The following ADGRB3 variants were observed in gnomAD, a reference collection of about 807,000 sequenced individuals.
ADGRB3 encodes the protein brain-specific angiogenesis inhibitor 3.
A neutral mutation model predicts 193.4 loss-of-function variants in ADGRB3; 37 were observed. The ratio of observed to expected loss-of-function variants is 0.19; its 90% CI spans 0.15 to 0.25. The LOEUF (loss-of-function observed/expected upper bound fraction) is 0.25. Among genes scored for constraint, ADGRB3 ranks in the 10% least tolerant of loss-of-function variants. The probability of loss-of-function intolerance (pLI) is 1.00; values close to 1 mark genes in which losing one functional copy is unlikely to be tolerated. For missense variants in ADGRB3, 1,637 were observed against 1,852.9 expected (o/e 0.88, Z 2.14); for synonymous variants, 690 against 644.2 (o/e 1.07, Z -1.08).
chr6:69,215,250 CA>C (rs1765752134), intron 17 of ADGRB3, among the ~76,000 whole-genome samples: 1 of 152,066 alleles, frequency 6.6e-6, no homozygotes, highest in Non-Finnish European at 1.5e-5. Flanking sequence ...AACTTTATAA[CA>C]TTAATTATAC....
At chr6:68,906,432 T>A (rs867522692) in intron 3 of ADGRB3, among the ~76,000 whole-genome samples, 1 of 151,938 alleles carries the variant, frequency 6.6e-6, no homozygotes. Context: ...ATTGGAGATT[T>A]TTCAATATAT....
At chr6:68,826,654 C>G (rs1041439957) in intron 3 of ADGRB3, among the ~76,000 whole-genome samples, 3 of 152,082 alleles carry the variant, frequency 2.0e-5, no homozygotes, top group African/African-American at 7.2e-5. Flanking sequence ...CAGGGACACC[C>G]CAGGAGGCTA....
chr6:68,858,774 C>G (rs551703025), intron 3 of ADGRB3, among the ~76,000 whole-genome samples: 1 of 151,884 alleles, frequency 6.6e-6, no homozygotes, highest in East Asian at 1.9e-4. Flanking sequence ...GCAGATGGGA[C>G]ACAGGGCATC....
intron 3 of ADGRB3, among the ~76,000 whole-genome samples, chr6:68,891,823 G>T (rs1276319552): frequency 3.9e-5 from 6 of 152,154 alleles, no homozygotes; most frequent in Non-Finnish European, 5.9e-5. Context: ...TCATAGAATA[G>T]TCAGGAAAGT....
intron 3 of ADGRB3, among the ~76,000 whole-genome samples, chr6:68,818,197 C>T (rs1191855514): frequency 6.6e-6 from 1 of 151,994 alleles, no homozygotes; most frequent in African/African-American, 2.4e-5. Flanking sequence ...TGCGCACCGC[C>T]TTCTCCACCT....
chr6:68,733,707 G>C (rs995317312), intron 3 of ADGRB3, among the ~76,000 whole-genome samples: 10 of 150,900 alleles, frequency 6.6e-5, no homozygotes, highest in Non-Finnish European at 1.0e-4. Flanking sequence ...TACAAAAATA[G>C]AAAGAGTGAA....
rs572644863 is a variant in ADGRB3 at position 68,968,981 on chromosome 6, C to T, written c.1526-5782C>T. Among the ~76,000 whole-genome samples the T allele has an allele frequency of 5.3e-5, 8 of 152,088 alleles. No individual in the cohort carries two copies. In the South Asian group the frequency reaches 1.7e-3, roughly 32 times the overall value. The stretch of plus-strand genomic sequence containing the variant: ...CATACTGAACAGTGAAAATATAAAA[C>T]ATTTCTATCATTGAAAAAATTTTAT... On this transcript the variant is annotated intron_variant, in intron 8 of 31. Coordinates refer to ENST00000370598, the MANE Select transcript of ADGRB3 (RefSeq NM_001704.3).
At chr6:68,799,805 G>C (rs1351981365) in intron 3 of ADGRB3, among the ~76,000 whole-genome samples, 4 of 152,150 alleles carry the variant, frequency 2.6e-5, no homozygotes, top group Non-Finnish European at 5.9e-5. Context: ...TCTAAACAGA[G>C]AGAAAAATAA....
intron 17 of ADGRB3, among the ~76,000 whole-genome samples, chr6:69,213,469 T>C (rs186709850): frequency 6.6e-6 from 1 of 152,340 alleles, no homozygotes; most frequent in African/African-American, 2.4e-5. Flanking sequence ...TAATATTTGC[T>C]ATACATTGGC....
chr6:68,956,516 A>G, intron 7 of ADGRB3, 129 bp from the exon 8 acceptor site: 2 of 1,224,660 alleles, frequency 1.6e-6, no homozygotes, highest in Non-Finnish European at 2.3e-6. Flanking sequence ...TAAGTTAAAT[A>G]TTTGAATAAG....
At chr6:68,961,728 T>C (rs1008819253) in intron 8 of ADGRB3, among the ~76,000 whole-genome samples, 1 of 152,200 alleles carries the variant, frequency 6.6e-6, no homozygotes, top group African/African-American at 2.4e-5. Flanking sequence ...CACTACTCCA[T>C]AATGAAATAT....
At chr6:68,729,255 A>G (rs996029268) in intron 3 of ADGRB3, among the ~76,000 whole-genome samples, 7 of 151,550 alleles carry the variant, frequency 4.6e-5, no homozygotes, top group Admixed American at 2.0e-4. Context: ...GATGTTACCA[A>G]TGCTAAATCT....
intron 10 of ADGRB3, among the ~76,000 whole-genome samples, chr6:68,975,744 C>T (rs1430963021): frequency 6.6e-6 from 1 of 152,092 alleles, no homozygotes; most frequent in Non-Finnish European, 1.5e-5. Context: ...AAAGCTGTGT[C>T]ACTTAGCTAT....
At position 69,048,701 on chromosome 6, in the gene ADGRB3, A is replaced by C. The variant is rs534769820; in HGVS notation, c.2257+367A>C. ...TGTCATTTTTATTTCTGCCTCATTA[A>C]AATTTGCTTCGGTTTGAAGATATTA... On this transcript the variant is annotated intron_variant, in intron 14 of 31. Transcript: ENST00000370598. Among the ~76,000 whole-genome samples the C allele has an allele frequency of 7.2e-5, 11 of 152,226 alleles. No homozygotes were observed. In the South Asian group the frequency reaches 8.3e-4, roughly 11 times the overall value.
At chr6:69,248,361 G>C (rs1766543502) in intron 20 of ADGRB3, among the ~76,000 whole-genome samples, 1 of 152,118 alleles carries the variant, frequency 6.6e-6, no homozygotes, top group Non-Finnish European at 1.5e-5. Flanking sequence ...AAAATGAAAA[G>C]CCCTTGAGAT....
At chr6:69,117,043 A>G (rs1006696294) in intron 17 of ADGRB3, among the ~76,000 whole-genome samples, 2 of 152,230 alleles carry the variant, frequency 1.3e-5, no homozygotes, top group Admixed American at 6.5e-5. Flanking sequence ...TTGTCTTATT[A>G]CAAAAGTAAT....
At chr6:69,321,392 G>T (rs1768452918) in intron 20 of ADGRB3, among the ~76,000 whole-genome samples, 1 of 151,840 alleles carries the variant, frequency 6.6e-6, no homozygotes, top group African/African-American at 2.4e-5. Flanking sequence ...ATGCTAGTGA[G>T]TCTCACATTT....
intron 16 of ADGRB3, among the ~76,000 whole-genome samples, chr6:69,064,385 A>G (rs1309420671): frequency 6.6e-6 from 1 of 151,764 alleles, no homozygotes; most frequent in East Asian, 1.9e-4. Context: ...TATTTAAACT[A>G]TTAGGTGTTT....
chr6:68,719,622 G>A (rs750791237), intron 3 of ADGRB3, among the ~76,000 whole-genome samples: 8 of 151,734 alleles, frequency 5.3e-5, no homozygotes, highest in Non-Finnish European at 1.2e-4. Context: ...TCAATGTTTA[G>A]ATGTGAAGAA....
Sources: gnomAD v4.1 joint callset for allele counts (sites outside exome capture counted in the v4.1 genomes callset) on GRCh38, gnomAD v4.1.1 for gene constraint, MANE v1.5 for transcripts, NCBI Gene and HGNC (gene_info 2026-07-23, HGNC 2026-07-21) for gene names.